The following SNTG1 variants were observed in gnomAD, a reference collection of about 807,000 sequenced individuals.
SNTG1 encodes syntrophin gamma 1.
A neutral mutation model predicts 74.7 loss-of-function variants in SNTG1; 39 were observed. The observed-to-expected ratio is 0.52, with a 90% CI of 0.40 to 0.68. The LOEUF is 0.68. SNTG1 is among the 30% of genes least tolerant of loss of function. The probability of loss-of-function intolerance (pLI) is 0.00; values close to 1 mark genes in which losing one functional copy is unlikely to be tolerated. For synonymous variants in SNTG1, 254 were observed against 217.1 expected, an observed-to-expected ratio of 1.17 and a Z score of -1.49; for missense variants, 685 against 609.5, an observed-to-expected ratio of 1.12 and a Z score of -1.30.
chr8:49,928,392 A>G (rs931485295), intron 1 of SNTG1, among the ~76,000 whole-genome samples: 2 of 151,756 alleles, frequency 1.3e-5, no homozygotes, highest in African/African-American at 4.8e-5. Flanking sequence ...CACCGTGCCC[A>G]GCCAATTTTT....
intron 13 of SNTG1, among the ~76,000 whole-genome samples, chr8:50,613,371 A>T (rs1345688493): frequency 6.6e-6 from 1 of 152,162 alleles, no homozygotes; most frequent in Non-Finnish European, 1.5e-5. Context: ...GAACTGATGT[A>T]TTTATCACCA....
At chr8:50,321,061 G>C (rs1030515664) in intron 2 of SNTG1, among the ~76,000 whole-genome samples, 2 of 152,014 alleles carry the variant, frequency 1.3e-5, no homozygotes, top group African/African-American at 4.8e-5. Flanking sequence ...TTGATTTATA[G>C]CACAGATTAA....
intron 2 of SNTG1, among the ~76,000 whole-genome samples, chr8:50,264,497 G>C (rs991914330): frequency 1.3e-5 from 2 of 151,722 alleles, no homozygotes; most frequent in Non-Finnish European, 2.9e-5. Context: ...TTGAATCCAG[G>C]AGGCAGAAGT....
At chr8:50,117,054 T>C (rs934174798) in intron 1 of SNTG1, among the ~76,000 whole-genome samples, 1 of 152,102 alleles carries the variant, frequency 6.6e-6, no homozygotes, top group Non-Finnish European at 1.5e-5. Context: ...AAGATTATAT[T>C]TGATAATTTT....
intron 1 of SNTG1, among the ~76,000 whole-genome samples, chr8:49,938,420 T>C (rs1165437307): frequency 1.3e-5 from 2 of 152,142 alleles, no homozygotes; most frequent in African/African-American, 2.4e-5. Flanking sequence ...TTAAATTGGA[T>C]ACTCAGGATG....
At chr8:50,493,780 T>C (rs1264199305) in intron 8 of SNTG1, among the ~76,000 whole-genome samples, 2 of 150,958 alleles carry the variant, frequency 1.3e-5, no homozygotes, top group African/African-American at 2.4e-5. Flanking sequence ...GTATTTAGTA[T>C]ACTTTTATAT....
intron 9 of SNTG1, among the ~76,000 whole-genome samples, chr8:50,511,049 A>T (rs1336574468): frequency 6.6e-6 from 1 of 152,132 alleles, no homozygotes; most frequent in Non-Finnish European, 1.5e-5. Flanking sequence ...TCTTGTGGGC[A>T]TTTAGTGCTA....
upstream of SNTG1, among the ~76,000 whole-genome samples, chr8:49,910,596 G>T (rs1805529355): frequency 6.6e-6 from 1 of 152,128 alleles, no homozygotes; most frequent in South Asian, 2.1e-4. Context: ...AGCCCTGGGT[G>T]ACAGCACTCG....
At chr8:50,376,756 T>TATATATATATATATAG (rs1381048539) in intron 2 of SNTG1, among the ~76,000 whole-genome samples, 8 of 89,960 alleles carry the variant, frequency 8.9e-5, no homozygotes, top group South Asian at 4.2e-4. Flanking sequence ...TATATATATA[T>TATATATATATATATAG]AGAGAGAGAG....
At chr8:50,207,623 G>T (rs1286257083) in intron 2 of SNTG1, among the ~76,000 whole-genome samples, 1 of 151,988 alleles carries the variant, frequency 6.6e-6, no homozygotes, top group Non-Finnish European at 1.5e-5. Flanking sequence ...GAATGTGTTT[G>T]CTCTTGCTTC....
chr8:50,662,622 G>T (rs1187290833), intron 15 of SNTG1, among the ~76,000 whole-genome samples: 15 of 152,190 alleles, frequency 9.9e-5, no homozygotes, highest in Non-Finnish European at 1.6e-4. Flanking sequence ...ATACTACACT[G>T]TCTCTGTCTC....
intron 13 of SNTG1, among the ~76,000 whole-genome samples, chr8:50,646,799 A>G (rs1185556455): frequency 6.6e-6 from 1 of 152,194 alleles, no homozygotes; most frequent in Admixed American, 6.5e-5. Flanking sequence ...GGAGGCTCGT[A>G]TTATCCAACC....
intron 1 of SNTG1, among the ~76,000 whole-genome samples, chr8:50,009,642 G>A (rs1815577586): frequency 6.6e-6 from 1 of 152,046 alleles, no homozygotes. Flanking sequence ...AAATCAAGAG[G>A]TTCTTTTGCG....
chr8:50,034,300 C>T (rs574529946), intron 1 of SNTG1, among the ~76,000 whole-genome samples: 1 of 152,284 alleles, frequency 6.6e-6, no homozygotes, highest in African/African-American at 2.4e-5. Flanking sequence ...CTCCTATATT[C>T]ATTTTATTGA....
intron 9 of SNTG1, 86 bp from the exon 10 acceptor site, chr8:50,530,091 G>A (rs1421018591): frequency 2.8e-5 from 30 of 1,060,382 alleles, no homozygotes; most frequent in Non-Finnish European, 4.2e-5. Context: ...ATATTACTGA[G>A]TATCCTTGAA....
At chr8:49,938,684 C>T (rs1325502162) in intron 1 of SNTG1, among the ~76,000 whole-genome samples, 1 of 141,278 alleles carries the variant, frequency 7.1e-6, no homozygotes, top group Non-Finnish European at 1.5e-5. Flanking sequence ...TCCTTCCCTC[C>T]TTCTTTCTTT....
At chr8:49,921,621 G>A (rs1421569654) in intron 1 of SNTG1, among the ~76,000 whole-genome samples, 1 of 152,112 alleles carries the variant, frequency 6.6e-6, no homozygotes, top group Non-Finnish European at 1.5e-5. Flanking sequence ...AGGTGATGCT[G>A]CATTTCTGGG....
At chr8:50,518,626 C>T (rs966203030) in intron 9 of SNTG1, among the ~76,000 whole-genome samples, 2 of 152,124 alleles carry the variant, frequency 1.3e-5, no homozygotes, top group African/African-American at 4.8e-5. Context: ...GGAGATATCA[C>T]CACTGATCCC....
At chr8:49,912,525 T>C (rs1805667816) in intron 1 of SNTG1, among the ~76,000 whole-genome samples, 1 of 152,258 alleles carries the variant, frequency 6.6e-6, no homozygotes, top group Non-Finnish European at 1.5e-5. Flanking sequence ...ATGCAATCGT[T>C]TGGCAAGATA....
Sources: allele counts gnomAD v4.1 joint callset (sites outside exome capture counted in the v4.1 genomes callset), GRCh38; gene constraint gnomAD v4.1.1; transcripts MANE v1.5; gene names NCBI Gene and HGNC (gene_info 2026-07-23, HGNC 2026-07-21).